The following PARD3 variants were observed in gnomAD, a reference collection of about 807,000 sequenced individuals.
PARD3 encodes the protein partitioning defective 3 homolog.
PARD3 carries 75 observed loss-of-function variants against 155.4 expected under a neutral mutation model. The ratio of observed to expected loss-of-function variants is 0.48; its 90% CI spans 0.40 to 0.58. The LOEUF is 0.58. Ranked by LOEUF, PARD3 falls within the 20% of genes least tolerant of loss-of-function variation. The pLI, the probability that PARD3 is intolerant of heterozygous loss-of-function variation, is 0.00. For missense variants in PARD3, 1,642 were observed against 1,721.7 expected (o/e 0.95, Z 0.82); for synonymous variants, 576 against 610.5 (o/e 0.94, Z 0.83).
chr10:34,148,655 T>G (rs553966574), intron 22 of PARD3, among the ~76,000 whole-genome samples: 1 of 152,294 alleles, frequency 6.6e-6, no homozygotes, highest in Non-Finnish European at 1.5e-5. Context: ...ACAGAACATT[T>G]AATGAAGTTG....
chr10:34,155,997 C>T (rs1188380778), intron 22 of PARD3, among the ~76,000 whole-genome samples: 1 of 152,176 alleles, frequency 6.6e-6, no homozygotes, highest in East Asian at 1.9e-4. Flanking sequence ...GCTGCTCCCA[C>T]TCTGATAATT....
chr10:34,461,495 A>AC lies in PARD3; in HGVS notation c.582+8589dup, dbSNP rs577258697. The stretch of plus-strand genomic sequence containing the variant: ...GTAGTGGGCGCCTGTAATCCCAGCT[A>AC]CTGGGGGGGCTGAGGCAGGAGTTTC... On this transcript the variant is annotated intron_variant, in intron 4 of 24. Coordinates refer to ENST00000374788, the MANE Select transcript of PARD3 (RefSeq NM_001184785.2). Among the ~76,000 whole-genome samples, 359 of 152,182 alleles carry AC rather than the reference A, an allele frequency of 2.4e-3. 3 individuals are homozygous for AC. Among genetic ancestry groups the AC allele is most frequent in the African/African-American group, 8.1e-3 (335 of 41,518 alleles).
intron 22 of PARD3, among the ~76,000 whole-genome samples, chr10:34,191,406 G>A (rs1350802291): frequency 2.6e-5 from 4 of 152,146 alleles, no homozygotes; most frequent in African/African-American, 9.7e-5. Context: ...CACTGGCTGA[G>A]AGGCAGCCAC....
At chr10:34,776,033 TG>T (rs1237902352) in intron 1 of PARD3, among the ~76,000 whole-genome samples, 1 of 152,214 alleles carries the variant, frequency 6.6e-6, no homozygotes, top group Non-Finnish European at 1.5e-5. Context: ...GAGATCAGCC[TG>T]GGCAACACAG....
intron 2 of PARD3, among the ~76,000 whole-genome samples, chr10:34,614,435 A>G (rs1344869340): frequency 6.6e-6 from 1 of 152,252 alleles, no homozygotes; most frequent in Non-Finnish European, 1.5e-5. Context: ...CATTAAAATA[A>G]GTGTCCTATT....
chr10:34,350,013 C>T (rs1156635030), intron 14 of PARD3, among the ~76,000 whole-genome samples: 3 of 152,168 alleles, frequency 2.0e-5, no homozygotes, highest in Non-Finnish European at 4.4e-5. Flanking sequence ...GAAAGATTCT[C>T]CACCTCCCCT....
At chr10:34,449,861 C>CA (rs2076965457) in intron 5 of PARD3, among the ~76,000 whole-genome samples, 1 of 152,150 alleles carries the variant, frequency 6.6e-6, no homozygotes, top group Non-Finnish European at 1.5e-5. Flanking sequence ...CCAAACATGA[C>CA]AAAATACCGT....
chr10:34,109,942 G>A lies in PARD3; in HGVS notation c.*1227C>T, dbSNP rs1946323719. 6.6e-6 allele frequency: 1 copy of A among 151,610 alleles called. No homozygotes were observed. Among genetic ancestry groups the A allele is most frequent in the Non-Finnish European group, 1.5e-5 (1 of 67,940 alleles). 9.4% of individuals were successfully genotyped at this position (151,610 alleles called of 1,614,324 possible). A position where few individuals can be genotyped will look rare whatever the true frequency, so the allele number is the denominator to read the frequency against. ...CAGGCACTTTAGCACCCCAGCCATG[G>A]TTTACAATACAGGATGTTCAGAACA... On this transcript the variant is annotated 3_prime_UTR_variant, in exon 25 of 25. Coordinates refer to ENST00000374788, the MANE Select transcript of PARD3 (RefSeq NM_001184785.2).
chr10:34,610,855 A>G (rs528672234), intron 2 of PARD3, among the ~76,000 whole-genome samples: 19 of 152,286 alleles, frequency 1.2e-4, no homozygotes, highest in Middle Eastern at 3.4e-3. Context: ...CTGAAAATAT[A>G]CAAGACCTAT....
intron 22 of PARD3, among the ~76,000 whole-genome samples, chr10:34,184,926 C>T (rs1950420960): frequency 6.6e-6 from 1 of 152,190 alleles, no homozygotes; most frequent in Admixed American, 6.5e-5. Flanking sequence ...CCAAATTCTA[C>T]TTTGAGTGAT....
chr10:34,722,020 T>C (rs915846769), intron 1 of PARD3, among the ~76,000 whole-genome samples: 2 of 151,796 alleles, frequency 1.3e-5, no homozygotes, highest in Non-Finnish European at 2.9e-5. Flanking sequence ...TCTAAAAAAA[T>C]ATAATAATAA....
At chr10:34,370,283 G>C (rs1383934041) in intron 12 of PARD3, among the ~76,000 whole-genome samples, 1 of 152,146 alleles carries the variant, frequency 6.6e-6, no homozygotes, top group Non-Finnish European at 1.5e-5. Context: ...CAGTCACCAT[G>C]TCATGCTACC....
At chr10:34,264,646 C>G (rs1423087532) in intron 22 of PARD3, among the ~76,000 whole-genome samples, 2 of 152,094 alleles carry the variant, frequency 1.3e-5, no homozygotes, top group African/African-American at 4.8e-5. Context: ...TAGGTACACT[C>G]CTCACTTAGG....
chr10:34,507,550 A>AAAAAAAAAAAAAAAAAAAAAAAAAAC (rs1554880669), intron 3 of PARD3, among the ~76,000 whole-genome samples: 6 of 129,210 alleles, frequency 4.6e-5, no homozygotes, highest in African/African-American at 2.2e-4. Flanking sequence ...TAAAAAAACA[A>AAAAAAAAAAAAAAAAAAAAAAAAAAC]AAAAAAAAAA....
At chr10:34,610,352 GA>G (rs1279730868) in intron 2 of PARD3, among the ~76,000 whole-genome samples, 1 of 151,956 alleles carries the variant, frequency 6.6e-6, no homozygotes, top group Non-Finnish European at 1.5e-5. Context: ...TACATACAAA[GA>G]AAAACTGTCA....
At chr10:34,558,923 G>T (rs113301345) in intron 2 of PARD3, among the ~76,000 whole-genome samples, 3,346 of 152,250 alleles carry the variant, frequency 0.022, 128 homozygotes, top group African/African-American at 0.076. Flanking sequence ...CTCCAGCCTG[G>T]GCGACAGAGT....
In PARD3 at chr10:34,395,625, C is replaced by A. The variant is rs111936882; in HGVS notation, c.890+3705G>T. ...GGCCGAGGCGGGTGGATCATGAGGT[C>A]AGGAGATCGAGACCATCCTGGCTAA... On this transcript the variant is annotated intron_variant, in intron 7 of 24. Coordinates refer to ENST00000374788, the MANE Select transcript of PARD3 (RefSeq NM_001184785.2). 2.0e-3 allele frequency among the ~76,000 whole-genome samples: 61 copies of A among 30,566 alleles called. 18 individuals are homozygous for A. The highest frequency in any genetic ancestry group is 2.3e-3 in the Non-Finnish European group (44 of 19,172). 20.1% of individuals were successfully genotyped at this position (30,566 alleles called of 152,430 possible). A position where few individuals can be genotyped will look rare whatever the true frequency, so the allele number is the denominator to read the frequency against.
At chr10:34,445,647 C>A (rs2076698030) in intron 5 of PARD3, among the ~76,000 whole-genome samples, 1 of 152,082 alleles carries the variant, frequency 6.6e-6, no homozygotes, top group Admixed American at 6.6e-5. Flanking sequence ...AACAAAATTA[C>A]AAAGAATATA....
At chr10:34,481,465 C>T (rs2079078053) in intron 3 of PARD3, among the ~76,000 whole-genome samples, 1 of 152,162 alleles carries the variant, frequency 6.6e-6, no homozygotes, top group Admixed American at 6.5e-5. Flanking sequence ...CAGGCATTGG[C>T]TACTGAATCC....
Sources: allele counts gnomAD v4.1 joint callset (sites outside exome capture counted in the v4.1 genomes callset), GRCh38; gene constraint gnomAD v4.1.1; transcripts MANE v1.5; gene names NCBI Gene and HGNC (gene_info 2026-07-23, HGNC 2026-07-21).